SHC3: variants seen among roughly 807,000 people sequenced by gnomAD.
SHC3 encodes SHC adaptor protein 3.
Under a neutral mutation model 60.4 loss-of-function variants are expected in SHC3, and 15 were observed. The ratio of observed to expected loss-of-function variants is 0.25; its 90% confidence interval spans 0.17 to 0.38. The LOEUF (loss-of-function observed/expected upper bound fraction) is 0.38. SHC3 is among the 10% of genes least tolerant of loss of function. SHC3 has a pLI of 1.00. For missense variants in SHC3, 677 were observed against 786.1 expected (o/e 0.86, Z 1.66); for synonymous variants, 294 against 325.9 (o/e 0.90, Z 1.05).
intron 1 of SHC3, among the ~76,000 whole-genome samples, chr9:89,146,096 A>G (rs1001108009): frequency 6.6e-6 from 1 of 152,140 alleles, no homozygotes. Flanking sequence ...GAACATTTTC[A>G]GATTCAAAAA....
chr9:89,112,688 A>G, intron 1 of SHC3, 62 bp from the exon 2 acceptor site: 1 of 1,465,272 alleles, frequency 6.8e-7, no homozygotes, highest in Non-Finnish European at 9.2e-7. Flanking sequence ...ACAACTCCTA[A>G]CTATACAAGG....
chr9:89,097,687 C>G (rs1367891746), intron 2 of SHC3, among the ~76,000 whole-genome samples: 2 of 152,280 alleles, frequency 1.3e-5, no homozygotes, highest in East Asian at 3.9e-4. Context: ...GGGCCAGGAG[C>G]TCCCACAGGC....
intron 2 of SHC3, chr9:89,109,708 G>A (rs959826042): frequency 2.0e-6 from 2 of 985,472 alleles, no homozygotes; most frequent in Non-Finnish European, 2.4e-6. Flanking sequence ...TCCAGGTTGT[G>A]ATTCTCACCA....
At position 89,178,523 on chromosome 9, in the gene SHC3, C is replaced by A; in HGVS notation, c.-63G>T. 7.3e-7 allele frequency: 1 copy of A among 1,375,304 alleles called. No homozygotes were observed. The highest frequency in any genetic ancestry group is 9.5e-7 in the Non-Finnish European group (1 of 1,052,928). The allele number at this position is 1,375,304 out of a possible 1,614,324, so 85.2% of individuals were successfully genotyped here. A position where few individuals can be genotyped will look rare whatever the true frequency, so the allele number is the denominator to read the frequency against. On this transcript the variant is annotated 5_prime_UTR_variant, in exon 1 of 12. Transcript: ENST00000375835. This position sits in a 1 kb window ranked among gnomAD's most constrained non-coding sequence, Gnocchi z 6.9. ...CTGGTGCCGGCCCCGGCGCGGGCTG[C>A]CGCGCATAGCAGGCGAGCCACTGTC...
In SHC3 at chr9:89,046,913, C is replaced by G; in HGVS notation, c.1044G>C (p.Lys348Asn). 6.2e-7 allele frequency: 1 copy of G among 1,611,136 alleles called. No individual in the cohort carries two copies. Among genetic ancestry groups the G allele is most frequent in the Non-Finnish European group, 8.5e-7 (1 of 1,178,776 alleles). Residue 348 changes from lysine to asparagine, a missense_variant, in exon 8 of 12, where the codon AAG (lysine) becomes AAC (asparagine). Lys to Asn is a moderately conservative substitution (Grantham distance 94). Coordinates refer to ENST00000375835, the MANE Select transcript of SHC3 (RefSeq NM_016848.6). ...DHPYYNSIPS[K>N]MPPPGGFLDT... ...CAAGAAAGCCCCCTGGAGGAGGCATCTTGCTTGGGATGCTGTTGTAGTATG... is the reference window on the plus strand; with the variant it reads ...CAAGAAAGCCCCCTGGAGGAGGCATGTTGCTTGGGATGCTGTTGTAGTATG...
intron 9 of SHC3, among the ~76,000 whole-genome samples, chr9:89,043,435 G>T (rs1477890729): frequency 2.0e-5 from 3 of 152,098 alleles, no homozygotes; most frequent in Non-Finnish European, 4.4e-5. Flanking sequence ...CTTTAGAAAA[G>T]AATTTCATTA....
At chr9:89,059,847 G>A (rs1825050966) in intron 6 of SHC3, among the ~76,000 whole-genome samples, 1 of 127,934 alleles carries the variant, frequency 7.8e-6, no homozygotes, top group Non-Finnish European at 1.9e-5. Context: ...ATAGGATGTG[G>A]TGGAGGATGG....
rs114124901 is a variant in SHC3 at position 89,043,474 on chromosome 9, C to A, written c.1202-1290G>T. On this transcript the variant is annotated intron_variant, in intron 9 of 11. Transcript: ENST00000375835. ...AATTTTAAAAGGAGAAGATCAAGAGCCCAAATGCATAATCTTCCTGACTGC... is the reference window on the plus strand; with the variant it reads ...AATTTTAAAAGGAGAAGATCAAGAGACCAAATGCATAATCTTCCTGACTGC... 3.6e-3 allele frequency among the ~76,000 whole-genome samples: 541 copies of A among 152,224 alleles called. 3 individuals are homozygous for A. The highest frequency in any genetic ancestry group is 0.012 in the African/African-American group (514 of 41,522).
At chr9:89,021,203 TA>T (rs1826195714) in intron 11 of SHC3, among the ~76,000 whole-genome samples, 1 of 152,192 alleles carries the variant, frequency 6.6e-6, no homozygotes, top group Non-Finnish European at 1.5e-5. Context: ...AATTCTACCT[TA>T]AAAATGATTT....
intron 3 of SHC3, 130 bp downstream of exon 3, chr9:89,077,710 C>A: frequency 1.8e-6 from 2 of 1,103,020 alleles, no homozygotes; most frequent in Non-Finnish European, 2.7e-6. Context: ...GCCCTTTCTG[C>A]TTTTAGAAGT....
At chr9:89,036,398 G>C (rs1383289407) in intron 11 of SHC3, among the ~76,000 whole-genome samples, 2 of 152,162 alleles carry the variant, frequency 1.3e-5, no homozygotes, top group Non-Finnish European at 2.9e-5. Flanking sequence ...GCTGGTGTGC[G>C]CCTTAGTAGC....
rs189267418 is a variant in SHC3, at chr9:89,170,263, C to G, written c.474+7724G>C. On this transcript the variant is annotated intron_variant, in intron 1 of 11. Transcript: ENST00000375835. ...TGGGCCAACCTGTATTTTTGCCAGC[C>G]TGAAGCATAGCTCATGCAGTCAAAA... is the stretch of plus-strand genomic sequence containing the variant. Among the ~76,000 whole-genome samples the G allele has an allele frequency of 5.9e-5, 9 of 152,340 alleles. No individual in the cohort carries two copies. The East Asian group carries it at 1.7e-3, about 29-fold the overall frequency.
chr9:89,134,924 C>G (rs1265660101), intron 1 of SHC3, among the ~76,000 whole-genome samples: 2 of 152,056 alleles, frequency 1.3e-5, no homozygotes, highest in Non-Finnish European at 2.9e-5. Flanking sequence ...TTTTGTTTTC[C>G]AGAGTTAAGG....
intron 1 of SHC3, among the ~76,000 whole-genome samples, chr9:89,132,660 A>C (rs925768910): frequency 6.6e-6 from 1 of 152,236 alleles, no homozygotes; most frequent in African/African-American, 2.4e-5. Context: ...GAAATGGGGA[A>C]AGGATTCCCT....
intron 11 of SHC3, among the ~76,000 whole-genome samples, chr9:89,025,813 G>T (rs1055703905): frequency 2.6e-5 from 4 of 152,198 alleles, no homozygotes; most frequent in African/African-American, 9.7e-5. Flanking sequence ...TATGTCTTTG[G>T]CATATTTTGA....
At chr9:89,154,178 T>C (rs1826588456) in intron 1 of SHC3, among the ~76,000 whole-genome samples, 1 of 152,002 alleles carries the variant, frequency 6.6e-6, no homozygotes, top group Non-Finnish European at 1.5e-5. Flanking sequence ...CTTAAAACAT[T>C]ATGAGATTTT....
chr9:89,026,890 A>G (rs1242982734), intron 11 of SHC3, among the ~76,000 whole-genome samples: 1 of 152,150 alleles, frequency 6.6e-6, no homozygotes, highest in African/African-American at 2.4e-5. Flanking sequence ...GGAAAGGAGG[A>G]GACTCCTGGT....
intron 4 of SHC3, among the ~76,000 whole-genome samples, chr9:89,072,699 T>C (rs1825293798): frequency 6.6e-6 from 1 of 152,170 alleles, no homozygotes; most frequent in Non-Finnish European, 1.5e-5. Context: ...GTAATGACAT[T>C]GAAGTAAATT....
chr9:89,177,958 C>A (rs777847883), intron 1 of SHC3, 29 bp downstream of exon 1: 3 of 1,204,466 alleles, frequency 2.5e-6, no homozygotes, highest in Non-Finnish European at 3.1e-6. Context: ...GAACCCCCAG[C>A]CCCCAGGGCG....
Sources: gnomAD v4.1 joint callset for allele counts (sites outside exome capture counted in the v4.1 genomes callset) on GRCh38, gnomAD v4.1.1 for gene constraint, Gnocchi (gnomAD v3.1) non-coding constraint, MANE v1.5 for transcripts, NCBI Gene and HGNC (gene_info 2026-07-23, HGNC 2026-07-21) for gene names.